Variants in RASEF observed in about 807,000 individuals in gnomAD.
The protein encoded by RASEF is ras and EF-hand domain-containing protein.
Under a neutral mutation model 90.1 loss-of-function variants are expected in RASEF, and 68 were observed. That is an observed-to-expected ratio of 0.75 (90% confidence interval 0.62 to 0.92). The LOEUF is 0.92. Ranked by LOEUF, RASEF falls within the 40% of genes least tolerant of loss-of-function variation. The pLI is 0.00. For synonymous variants in RASEF, 331 were observed against 345.2 expected (o/e 0.96, Z 0.46); for missense variants, 949 against 937.2 (o/e 1.01, Z -0.16).
chr9:83,195,456 G>A, the RASEF span, among the ~76,000 whole-genome samples: 1 of 152,102 alleles, frequency 6.6e-6, no homozygotes, highest in Admixed American at 6.5e-5. Context: ...GGCCCACTGT[G>A]GCCATGCTGC....
intron 4 of RASEF, among the ~76,000 whole-genome samples, chr9:83,014,024 C>A (rs1829298457): frequency 6.6e-6 from 1 of 152,158 alleles, no homozygotes; most frequent in South Asian, 2.1e-4. Context: ...CCTCATCAGT[C>A]GCTGCATCTC....
chr9:83,104,617 C>G, the RASEF span, among the ~76,000 whole-genome samples: 1 of 151,300 alleles, frequency 6.6e-6, no homozygotes, highest in African/African-American at 2.4e-5. Context: ...AGAATGATTT[C>G]CTTTTTCTTC....
At chr9:83,128,040 T>TG in the RASEF span, among the ~76,000 whole-genome samples, 2 of 150,678 alleles carry the variant, frequency 1.3e-5, no homozygotes, top group Middle Eastern at 6.8e-3. Context: ...TTTTTTTTTT[T>TG]GTTTTGCAAA....
At chr9:82,993,074 T>A (rs745407611) in intron 14 of RASEF, 49 bp from the exon 15 acceptor site, 2 of 1,592,644 alleles carry the variant, frequency 1.3e-6, no homozygotes, top group South Asian at 2.3e-5. Context: ...ACTGGACACA[T>A]TACGATGACC....
chr9:83,035,416 T>C (rs1469494890), intron 1 of RASEF, among the ~76,000 whole-genome samples: 2 of 152,318 alleles, frequency 1.3e-5, no homozygotes, highest in East Asian at 1.9e-4. Context: ...GCAATGTGCA[T>C]GGGGCAATGC....
the RASEF span, among the ~76,000 whole-genome samples, chr9:83,091,815 T>G: frequency 6.6e-6 from 1 of 151,980 alleles, no homozygotes; most frequent in South Asian, 2.1e-4. Context: ...AGTCAAACAA[T>G]GGCAATTCTT....
At chr9:83,177,576 A>T in the RASEF span, among the ~76,000 whole-genome samples, 1 of 149,774 alleles carries the variant, frequency 6.7e-6, no homozygotes, top group Non-Finnish European at 1.5e-5. Flanking sequence ...TTCTGGTAAG[A>T]TGCTAATCTT....
rs1830230181 is a variant in RASEF at position 83,062,596 on chromosome 9, G to C, written c.272C>G (p.Ala91Gly). The C allele has an allele frequency of 6.4e-7, 1 of 1,572,088 alleles. No individual in the cohort carries two copies. Among genetic ancestry groups the C allele is most frequent in the African/African-American group, 1.4e-5 (1 of 73,868 alleles). Residue 91 changes from alanine (A) to glycine (G), a missense_variant, in exon 1 of 17, where the codon GCC becomes GGC. Coordinates refer to ENST00000376447, the MANE Select transcript of RASEF (RefSeq NM_152573.4). ...RDWGPLDPAP[A>G]VSEAGPETHD... ...TGTCTCCGGCCCCGCCTCAGACACG[G>C]CGGGCGCGGGATCCAGAGGACCCCA... is the stretch of plus-strand genomic sequence containing the variant.
intron 9 of RASEF, 37 bp from the exon 10 acceptor site, chr9:83,001,167 T>A: frequency 6.7e-7 from 1 of 1,486,652 alleles, no homozygotes; most frequent in Non-Finnish European, 9.3e-7. Flanking sequence ...ACCTGAGGGC[T>A]GGAAATGCTC....
At chr9:83,075,246 C>A in the RASEF span, among the ~76,000 whole-genome samples, 1 of 152,190 alleles carries the variant, frequency 6.6e-6, no homozygotes, top group Non-Finnish European at 1.5e-5. Flanking sequence ...CATTGTTAAA[C>A]TGCAGTTCTC....
At chr9:83,123,473 T>C in the RASEF span, among the ~76,000 whole-genome samples, 1 of 152,118 alleles carries the variant, frequency 6.6e-6, no homozygotes, top group Non-Finnish European at 1.5e-5. Flanking sequence ...TGCCCATGCC[T>C]CATATAGCAC....
the RASEF span, among the ~76,000 whole-genome samples, chr9:83,078,676 A>AAG: frequency 8.6e-5 from 13 of 151,556 alleles, no homozygotes; most frequent in Non-Finnish European, 1.6e-4. Flanking sequence ...GAAAAAAAAA[A>AAG]AGAGAGAGAG....
At chr9:83,208,306 C>A in the RASEF span, among the ~76,000 whole-genome samples, 3 of 152,268 alleles carry the variant, frequency 2.0e-5, no homozygotes, top group East Asian at 1.9e-4. Context: ...AGTGTGCTAC[C>A]CCTTGTGGGA....
chr9:83,112,425 C>T, the RASEF span, among the ~76,000 whole-genome samples: 4 of 152,350 alleles, frequency 2.6e-5, 1 homozygote, highest in African/African-American at 9.6e-5. Flanking sequence ...CGGCTCACGC[C>T]TGTAATCCCA....
chr9:83,167,483 G>A, the RASEF span, among the ~76,000 whole-genome samples: 9 of 151,788 alleles, frequency 5.9e-5, no homozygotes, highest in African/African-American at 1.9e-4. Flanking sequence ...TTGACTCTAA[G>A]CCTTCTTATT....
chr9:83,086,725 C>T, the RASEF span, among the ~76,000 whole-genome samples: 1 of 152,126 alleles, frequency 6.6e-6, no homozygotes. Context: ...AGTTCCTCAA[C>T]ATTTGGGCCT....
Position 82,982,458 on chromosome 9 carries a change from G to A in RASEF, c.*219C>T, listed in dbSNP as rs1828624395. The A allele has an allele frequency of 2.2e-6, 1 of 453,060 alleles. No individual in the cohort carries two copies. The highest frequency in any genetic ancestry group is 4.0e-6 in the Non-Finnish European group (1 of 248,222). The allele number at this position is 453,060 out of a possible 1,614,324, so 28.1% of individuals were successfully genotyped here. A position where few individuals can be genotyped will look rare whatever the true frequency, so the allele number is the denominator to read the frequency against. On this transcript the variant is annotated 3_prime_UTR_variant, in exon 17 of 17. Coordinates refer to ENST00000376447, the MANE Select transcript of RASEF (RefSeq NM_152573.4). ...TATCTTTTAAGACCTGTAAGGACAT[G>A]ACTAGTCTATTTAGCCAGAGGGCCC...
At chr9:82,997,217 A>G (rs1828937856) in intron 13 of RASEF, 91 bp from the exon 14 acceptor site, 1 of 801,942 alleles carries the variant, frequency 1.2e-6, no homozygotes, top group Non-Finnish European at 2.2e-6. Flanking sequence ...TTCTAAAATC[A>G]ACACCAGTTG....
chr9:83,099,488 G>C, the RASEF span, among the ~76,000 whole-genome samples: 2 of 152,198 alleles, frequency 1.3e-5, no homozygotes, highest in African/African-American at 4.8e-5. Context: ...GTAATTTTAT[G>C]TAAGAGAAAG....
Sources: gnomAD v4.1 joint callset for allele counts (sites outside exome capture counted in the v4.1 genomes callset) on GRCh38, gnomAD v4.1.1 for gene constraint, MANE v1.5 for transcripts, NCBI Gene and HGNC (gene_info 2026-07-23, HGNC 2026-07-21) for gene names.